FOCAD: variants seen among roughly 807,000 people sequenced by gnomAD.
The protein encoded by FOCAD is focadhesin, also known as KIAA1797.
A neutral mutation model predicts 225.6 loss-of-function variants in FOCAD; 198 were observed. That is an observed-to-expected ratio of 0.88 (90% confidence interval 0.78 to 0.99). The LOEUF (loss-of-function observed/expected upper bound fraction) is 0.99. Among genes scored for constraint, FOCAD ranks in the 50% least tolerant of loss-of-function variants. The pLI, the probability that FOCAD is intolerant of heterozygous loss-of-function variation, is 0.00. For missense variants in FOCAD, 2,713 were observed against 2,123.6 expected (o/e 1.28, Z -5.46); for synonymous variants, 897 against 755.0 (o/e 1.19, Z -3.08).
At chr9:20,979,579 T>G (rs1219737430) in intron 37 of FOCAD, among the ~76,000 whole-genome samples, 2 of 152,198 alleles carry the variant, frequency 1.3e-5, no homozygotes, top group Non-Finnish European at 2.9e-5. Context: ...CCTCAAGTGA[T>G]CTGCCCACCT....
chr9:20,755,981 C>T (rs1275095985), intron 5 of FOCAD, among the ~76,000 whole-genome samples: 4 of 151,966 alleles, frequency 2.6e-5, no homozygotes, highest in Non-Finnish European at 4.4e-5. Flanking sequence ...TTTAATTGAA[C>T]ACGACCTGCT....
intron 4 of FOCAD, among the ~76,000 whole-genome samples, chr9:20,728,355 C>T (rs1586955110): frequency 6.6e-6 from 1 of 152,228 alleles, no homozygotes; most frequent in East Asian, 1.9e-4. Context: ...ACACCTTATA[C>T]AGATAGCCTG....
chr9:20,995,279 A>G, intron 43 of FOCAD, among the ~76,000 whole-genome samples: 1 of 152,070 alleles, frequency 6.6e-6, no homozygotes, highest in East Asian at 1.9e-4. Context: ...CTCATCAAGG[A>G]AAAAAACATC....
At chr9:20,749,329 T>G (rs1411584399) in intron 5 of FOCAD, among the ~76,000 whole-genome samples, 1 of 152,324 alleles carries the variant, frequency 6.6e-6, no homozygotes, top group East Asian at 1.9e-4. Context: ...AAAGTTGCTT[T>G]GCTCGAAGTC....
chr9:20,716,339 A>AAT (rs965752801), intron 2 of FOCAD, among the ~76,000 whole-genome samples: 88 of 151,700 alleles, frequency 5.8e-4, no homozygotes, highest in Non-Finnish European at 7.2e-4. Context: ...AGGTGAAAAA[A>AAT]ATATATATAT....
chr9:20,768,146 CG>C (rs1406451310), intron 7 of FOCAD, among the ~76,000 whole-genome samples: 6 of 148,170 alleles, frequency 4.0e-5, no homozygotes, highest in African/African-American at 1.5e-4. Context: ...AGATATGCGG[CG>C]TTATTTCTGA....
At chr9:20,926,939 A>G (rs1348109559) in intron 26 of FOCAD, among the ~76,000 whole-genome samples, 1 of 150,792 alleles carries the variant, frequency 6.6e-6, no homozygotes. Context: ...ATATATGTAA[A>G]TTATAAGAAA....
At chr9:20,750,981 A>G (rs1237621178) in intron 5 of FOCAD, among the ~76,000 whole-genome samples, 1 of 152,078 alleles carries the variant, frequency 6.6e-6, no homozygotes, top group African/African-American at 2.4e-5. Context: ...TCTGGAAAGT[A>G]TTTAGTCTGA....
chr9:20,853,311 C>A (rs1827852845), intron 15 of FOCAD, among the ~76,000 whole-genome samples: 1 of 151,700 alleles, frequency 6.6e-6, no homozygotes, highest in South Asian at 2.1e-4. Flanking sequence ...ACGTCTCTGG[C>A]TGTTGAGTAG....
chr9:20,806,174 C>A (rs915058021), intron 11 of FOCAD, among the ~76,000 whole-genome samples: 1 of 152,088 alleles, frequency 6.6e-6, no homozygotes, highest in African/African-American at 2.4e-5. Context: ...TCAAGGTAGT[C>A]CAAGATTTGA....
rs746407980 is a variant in FOCAD, at chr9:20,948,256, A to G, written c.3676-15A>G. On this transcript the variant is annotated splice_polypyrimidine_tract_variant and intron_variant, in intron 30 of 43. Coordinates refer to ENST00000338382, the MANE Select transcript of FOCAD (RefSeq NM_001375567.1). ...TTTTTCTTTTTCTTACCCCATTTTT[A>G]TTTATTTATATCAGACTTCAGGTTT... The G allele has an allele frequency of 3.2e-6, 5 of 1,564,344 alleles. No homozygotes were observed. Among genetic ancestry groups the G allele is most frequent in the South Asian group, 1.2e-5 (1 of 82,218 alleles).
At chr9:20,864,160 G>T (rs1427152588) in intron 16 of FOCAD, among the ~76,000 whole-genome samples, 1 of 152,052 alleles carries the variant, frequency 6.6e-6, no homozygotes, top group Non-Finnish European at 1.5e-5. Flanking sequence ...ATCTGTGTGT[G>T]TTTAGATAAT....
intron 8 of FOCAD, among the ~76,000 whole-genome samples, chr9:20,775,292 A>T (rs1818645192): frequency 6.6e-6 from 1 of 152,200 alleles, no homozygotes; most frequent in South Asian, 2.1e-4. Flanking sequence ...CCTGACCAGC[A>T]AAATTAGGCA....
intron 1 of FOCAD, among the ~76,000 whole-genome samples, chr9:20,694,294 A>G (rs1823168692): frequency 6.6e-6 from 1 of 152,226 alleles, no homozygotes; most frequent in South Asian, 2.1e-4. Flanking sequence ...ACTTCAGATA[A>G]GAGAAGTGTT....
At chr9:20,854,239 A>G (rs554004905) in intron 15 of FOCAD, among the ~76,000 whole-genome samples, 1 of 151,962 alleles carries the variant, frequency 6.6e-6, no homozygotes, top group East Asian at 1.9e-4. Flanking sequence ...GCAAAAGAAC[A>G]AAGTCATTTT....
intron 28 of FOCAD, among the ~76,000 whole-genome samples, chr9:20,938,346 A>G (rs942514888): frequency 4.6e-5 from 7 of 152,296 alleles, no homozygotes; most frequent in African/African-American, 1.4e-4. Flanking sequence ...TCCAACAATG[A>G]TAGACTGGAT....
intron 21 of FOCAD, among the ~76,000 whole-genome samples, chr9:20,891,385 A>C (rs1831600278): frequency 6.6e-6 from 1 of 152,342 alleles, no homozygotes; most frequent in South Asian, 2.1e-4. Context: ...TTGAAAGCTG[A>C]GATAGGCTGA....
At chr9:20,688,418 A>G (rs1010895288) in intron 1 of FOCAD, among the ~76,000 whole-genome samples, 3 of 152,214 alleles carry the variant, frequency 2.0e-5, no homozygotes, top group Admixed American at 2.0e-4. Flanking sequence ...TAGGAATCAC[A>G]TGAGCAATAT....
intron 1 of FOCAD, among the ~76,000 whole-genome samples, chr9:20,697,256 G>A (rs906593687): frequency 2.0e-5 from 3 of 152,090 alleles, no homozygotes; most frequent in South Asian, 2.1e-4. Flanking sequence ...TAACTGGTCC[G>A]TCTCTTTTTC....
Sources: gnomAD v4.1 joint callset for allele counts (sites outside exome capture counted in the v4.1 genomes callset) on GRCh38, gnomAD v4.1.1 for gene constraint, MANE v1.5 for transcripts, NCBI Gene and HGNC (gene_info 2026-07-23, HGNC 2026-07-21) for gene names.